Variants in ZBTB7C observed in about 807,000 individuals in gnomAD.
The protein encoded by ZBTB7C is zinc finger and BTB domain containing 7C.
In ZBTB7C, 8 loss-of-function variants were observed where a neutral mutation model predicts 25.7. That is an observed-to-expected ratio of 0.31 (90% CI 0.18 to 0.56). The LOEUF (loss-of-function observed/expected upper bound fraction) is 0.56. ZBTB7C is among the 20% of genes least tolerant of loss of function. The probability of loss-of-function intolerance (pLI) is 0.91; values close to 1 mark genes in which losing one functional copy is unlikely to be tolerated. For missense variants in ZBTB7C, 824 were observed against 855.2 expected (o/e 0.96, Z 0.46); for synonymous variants, 394 against 369.0 (o/e 1.07, Z -0.78).
rs77326644 is a variant in ZBTB7C at position 48,089,086 on chromosome 18, C to G, written c.-16-47963G>C. Among the ~76,000 whole-genome samples the G allele has an allele frequency of 4.3e-3, 660 of 152,296 alleles. 4 individuals are homozygous for G. Among genetic ancestry groups the G allele is most frequent in the Non-Finnish European group, 7.9e-3 (535 of 68,028 alleles). On this transcript the variant is annotated intron_variant, in intron 3 of 4. Transcript: ENST00000590800. ...AGGAGAGAAAATTATTTTGAAAAGA[C>G]AAAGCCCTAAACTAATTATTCCAAT...
chr18:48,335,944 G>A (rs558366573), intron 2 of ZBTB7C, among the ~76,000 whole-genome samples: 57 of 152,228 alleles, frequency 3.7e-4, no homozygotes, highest in African/African-American at 1.4e-3. Context: ...TGCATCTGAA[G>A]CCCGCCCCAG....
chr18:48,075,116 C>T (rs1442950450), intron 3 of ZBTB7C, among the ~76,000 whole-genome samples: 1 of 152,196 alleles, frequency 6.6e-6, no homozygotes, highest in Non-Finnish European at 1.5e-5. Flanking sequence ...ATACAGACTT[C>T]CATGTGTTTT....
chr18:48,154,771 C>T (rs977898745), intron 3 of ZBTB7C, among the ~76,000 whole-genome samples: 1 of 152,202 alleles, frequency 6.6e-6, no homozygotes, highest in African/African-American at 2.4e-5. Context: ...TTTCCCACTG[C>T]CTCATTTGAA....
At chr18:48,291,299 G>T (rs1033625192) in intron 2 of ZBTB7C, among the ~76,000 whole-genome samples, 4 of 152,138 alleles carry the variant, frequency 2.6e-5, no homozygotes, top group Non-Finnish European at 5.9e-5. Flanking sequence ...GGTGAGGGGG[G>T]ATGTTTGAGA....
rs117673117 is a variant in ZBTB7C, at chr18:48,254,182, T to C, written c.-78-68187A>G. On this transcript the variant is annotated intron_variant, in intron 2 of 4. Transcript: ENST00000590800. ...CCATGTTCTAATAAAGAGCAGCCTG[T>C]AAAATCAAGCTGCAGACATAGACAA... is the stretch of plus-strand genomic sequence containing the variant. Among the ~76,000 whole-genome samples the C allele has an allele frequency of 7.9e-3, 1,208 of 152,320 alleles. 9 individuals carry two copies. Among genetic ancestry groups the C allele is most frequent in the Non-Finnish European group, 0.014 (966 of 68,026 alleles).
chr18:48,275,235 T>C (rs1178938004), intron 2 of ZBTB7C, among the ~76,000 whole-genome samples: 1 of 152,226 alleles, frequency 6.6e-6, no homozygotes, highest in Non-Finnish European at 1.5e-5. Context: ...TGCATGCTAA[T>C]GACTGGCCCC....
chr18:48,405,506 T>C (rs1208687840), intron 1 of ZBTB7C, among the ~76,000 whole-genome samples: 1 of 152,270 alleles, frequency 6.6e-6, no homozygotes, highest in Non-Finnish European at 1.5e-5. Flanking sequence ...TGTACCTCAC[T>C]TTGTGCAAAT....
chr18:48,313,630 CTCAG>C (rs1413031745), intron 2 of ZBTB7C, among the ~76,000 whole-genome samples: 1 of 152,212 alleles, frequency 6.6e-6, no homozygotes, highest in Non-Finnish European at 1.5e-5. Context: ...CCTATATCAA[CTCAG>C]TCAGAACCTG....
intron 4 of ZBTB7C, among the ~76,000 whole-genome samples, chr18:48,039,115 A>G (rs982218736): frequency 1.3e-5 from 2 of 152,244 alleles, no homozygotes; most frequent in African/African-American, 4.8e-5. Context: ...TCTATGAAAG[A>G]TGAAAGGTTT....
At chr18:48,296,921 G>A (rs2045410947) in intron 2 of ZBTB7C, among the ~76,000 whole-genome samples, 1 of 152,204 alleles carries the variant, frequency 6.6e-6, no homozygotes, top group South Asian at 2.1e-4. Flanking sequence ...TGGGCAACAT[G>A]GCCAAACCCC....
intron 2 of ZBTB7C, among the ~76,000 whole-genome samples, chr18:48,194,409 C>A (rs1044118563): frequency 1.3e-5 from 2 of 152,098 alleles, no homozygotes; most frequent in Admixed American, 1.3e-4. Context: ...GAACTAAAAT[C>A]TAGAAAGGGG....
chr18:48,117,283 ACTAGAAT>A (rs1405578035), intron 3 of ZBTB7C, among the ~76,000 whole-genome samples: 2 of 152,350 alleles, frequency 1.3e-5, no homozygotes, highest in Admixed American at 1.3e-4. Context: ...GGCAGGATAG[ACTAGAAT>A]CTACAGCCGA....
At chr18:48,367,146 A>C (rs1166431655) in intron 1 of ZBTB7C, among the ~76,000 whole-genome samples, 1 of 136,346 alleles carries the variant, frequency 7.3e-6, no homozygotes, top group Non-Finnish European at 1.6e-5. Context: ...TGAAGTAGAC[A>C]TGCTTTCCCC....
At chr18:48,152,970 T>A (rs35034982) in intron 3 of ZBTB7C, among the ~76,000 whole-genome samples, 4,973 of 152,244 alleles carry the variant, frequency 0.033, 116 homozygotes, top group Non-Finnish European at 0.045. Context: ...AGCTGTTGAG[T>A]GGAACAATGG....
chr18:48,244,445 C>T (rs2043621218), intron 2 of ZBTB7C, among the ~76,000 whole-genome samples: 1 of 151,994 alleles, frequency 6.6e-6, no homozygotes, highest in East Asian at 1.9e-4. Context: ...ATAGATGGGA[C>T]TTAATTAAAC....
intron 3 of ZBTB7C, among the ~76,000 whole-genome samples, chr18:48,162,146 T>TGC (rs2041080497): frequency 1.3e-5 from 2 of 152,108 alleles, no homozygotes; most frequent in African/African-American, 4.8e-5. Flanking sequence ...GACCCGGCTG[T>TGC]AGTTATCAGC....
chr18:48,200,745 C>G (rs917000657), intron 2 of ZBTB7C, among the ~76,000 whole-genome samples: 5 of 152,216 alleles, frequency 3.3e-5, no homozygotes, highest in African/African-American at 9.7e-5. Context: ...GCCCTCGTCC[C>G]AGCTCAGACT....
intron 3 of ZBTB7C, among the ~76,000 whole-genome samples, chr18:48,047,803 G>A (rs1024293611): frequency 2.0e-5 from 3 of 152,158 alleles, no homozygotes; most frequent in African/African-American, 4.8e-5. Flanking sequence ...CACTTGTCAC[G>A]TCAGTCATCA....
intron 2 of ZBTB7C, among the ~76,000 whole-genome samples, chr18:48,251,422 G>C (rs1360997548): frequency 6.6e-6 from 1 of 152,158 alleles, no homozygotes; most frequent in Non-Finnish European, 1.5e-5. Flanking sequence ...CAGATAGTGA[G>C]GGTAAAAGAG....
Sources: allele counts gnomAD v4.1 joint callset (sites outside exome capture counted in the v4.1 genomes callset), GRCh38; gene constraint gnomAD v4.1.1; transcripts MANE v1.5; gene names NCBI Gene and HGNC (gene_info 2026-07-23, HGNC 2026-07-21).